The following MAGI1 variants were observed in gnomAD, a reference collection of about 807,000 sequenced individuals.
MAGI1 encodes the protein membrane associated guanylate kinase, WW and PDZ domain containing 1, also known as membrane-associated guanylate kinase, WW and PDZ domain-containing protein 1.
In MAGI1, 58 loss-of-function variants were observed where a neutral mutation model predicts 139.9. That is an observed-to-expected ratio of 0.41 (90% CI 0.34 to 0.52). The LOEUF (loss-of-function observed/expected upper bound fraction) is 0.52. MAGI1 is among the 20% of genes least tolerant of loss of function. The pLI, the probability that MAGI1 is intolerant of heterozygous loss-of-function variation, is 0.12. For synonymous variants in MAGI1, 812 were observed against 737.9 expected (o/e 1.10, Z -1.63); for missense variants, 1,874 against 1,901.6 (o/e 0.99, Z 0.27).
intron 1 of MAGI1, among the ~76,000 whole-genome samples, chr3:65,816,564 C>G (rs184383517): frequency 6.6e-6 from 1 of 150,456 alleles, no homozygotes; most frequent in Admixed American, 6.6e-5. Flanking sequence ...CTGTCCATAT[C>G]AATTATTTGA....
intron 1 of MAGI1, among the ~76,000 whole-genome samples, chr3:65,898,261 T>G (rs769456589): frequency 1.1e-4 from 16 of 152,224 alleles, no homozygotes; most frequent in Non-Finnish European, 2.2e-4. Context: ...ACATCGAATT[T>G]TTATTCATCC....
chr3:65,392,612 CT>C (rs1160740851), intron 13 of MAGI1, among the ~76,000 whole-genome samples: 1 of 152,142 alleles, frequency 6.6e-6, no homozygotes, highest in East Asian at 1.9e-4. Flanking sequence ...GCCATTCTTC[CT>C]TGCTGTCTCC....
intron 1 of MAGI1, among the ~76,000 whole-genome samples, chr3:66,033,331 T>C (rs533646936): frequency 6.6e-6 from 1 of 152,178 alleles, no homozygotes; most frequent in Non-Finnish European, 1.5e-5. Context: ...CTATCTTATA[T>C]GCAGTCAGTG....
intron 1 of MAGI1, among the ~76,000 whole-genome samples, chr3:66,032,111 G>A (rs2068634202): frequency 6.6e-6 from 1 of 152,194 alleles, no homozygotes; most frequent in African/African-American, 2.4e-5. Context: ...CAAATCGAGA[G>A]AAAGGGAGGA....
chr3:65,883,078 T>C (rs1040621278), intron 1 of MAGI1, among the ~76,000 whole-genome samples: 21 of 152,152 alleles, frequency 1.4e-4, no homozygotes, highest in Non-Finnish European at 2.9e-4. Context: ...CACCCATTTA[T>C]CTCCCCAGTT....
intron 1 of MAGI1, among the ~76,000 whole-genome samples, chr3:65,699,827 T>G (rs1047215636): frequency 6.6e-6 from 1 of 150,392 alleles, no homozygotes; most frequent in Non-Finnish European, 1.5e-5. Context: ...TGTATACATA[T>G]GTAACTAACC....
chr3:65,585,956 C>T (rs1227952331), intron 2 of MAGI1, among the ~76,000 whole-genome samples: 1 of 152,054 alleles, frequency 6.6e-6, no homozygotes, highest in Non-Finnish European at 1.5e-5. Flanking sequence ...ACCTGTAATC[C>T]CAGTACTTTG....
chr3:65,646,694 G>A (rs1296743160), intron 1 of MAGI1, among the ~76,000 whole-genome samples: 1 of 152,010 alleles, frequency 6.6e-6, no homozygotes, highest in Non-Finnish European at 1.5e-5. Flanking sequence ...AAAGTATACA[G>A]AATGTGTTCT....
At position 65,397,334 on chromosome 3, in the gene MAGI1, T is replaced by C. The variant is rs144002761; in HGVS notation, c.2199+4105A>G. Among the ~76,000 whole-genome samples, 721 of 152,252 alleles carry C rather than the reference T, an allele frequency of 4.7e-3. 5 individuals carry two copies. The highest frequency in any genetic ancestry group is 0.016 in the African/African-American group (685 of 41,538). Reference sequence around the variant, plus strand: ...TCTCTTAATGACTAGTTTTCAGCAATTTCCTTTAGCATCTCTTGCAGGGGA... The same window carrying C: ...TCTCTTAATGACTAGTTTTCAGCAACTTCCTTTAGCATCTCTTGCAGGGGA... On this transcript the variant is annotated intron_variant, in intron 13 of 22. Coordinates refer to ENST00000402939, the MANE Select transcript of MAGI1 (RefSeq NM_001033057.2).
At chr3:65,916,901 A>C (rs1275066666) in intron 1 of MAGI1, among the ~76,000 whole-genome samples, 2 of 152,200 alleles carry the variant, frequency 1.3e-5, no homozygotes, top group African/African-American at 4.8e-5. Flanking sequence ...TACTGTTCTC[A>C]TTGTATACTT....
At chr3:66,006,336 C>T (rs2067010041) in intron 1 of MAGI1, among the ~76,000 whole-genome samples, 1 of 152,168 alleles carries the variant, frequency 6.6e-6, no homozygotes, top group Admixed American at 6.5e-5. Flanking sequence ...CTTCTAAAGA[C>T]AGAAAGTTGC....
intron 1 of MAGI1, among the ~76,000 whole-genome samples, chr3:65,804,608 T>A (rs2040728401): frequency 1.3e-5 from 2 of 151,566 alleles, no homozygotes; most frequent in South Asian, 4.2e-4. Flanking sequence ...TCTGTACACA[T>A]CATGAACTAT....
chr3:65,842,841 T>G (rs2058853871), intron 1 of MAGI1, among the ~76,000 whole-genome samples: 1 of 152,230 alleles, frequency 6.6e-6, no homozygotes, highest in Admixed American at 6.5e-5. Flanking sequence ...CAGTCTGACA[T>G]GTATGTTAAT....
At chr3:65,363,097 T>G (rs1185572136) in intron 21 of MAGI1, among the ~76,000 whole-genome samples, 1 of 152,212 alleles carries the variant, frequency 6.6e-6, no homozygotes, top group Non-Finnish European at 1.5e-5. Flanking sequence ...ATGGCTTTCC[T>G]GCTTTCTAAG....
At chr3:65,907,137 T>C (rs1022567333) in intron 1 of MAGI1, among the ~76,000 whole-genome samples, 10 of 152,146 alleles carry the variant, frequency 6.6e-5, no homozygotes, top group Admixed American at 5.9e-4. Context: ...ACATGAATTC[T>C]ACTCTACTGC....
At chr3:65,663,131 G>GA (rs1044829190) in intron 1 of MAGI1, among the ~76,000 whole-genome samples, 1 of 152,298 alleles carries the variant, frequency 6.6e-6, no homozygotes, top group African/African-American at 2.4e-5. Context: ...AAGTGAGATT[G>GA]AAAATAATAT....
At chr3:65,876,347 A>C in intron 1 of MAGI1, among the ~76,000 whole-genome samples, 1 of 147,992 alleles carries the variant, frequency 6.8e-6, no homozygotes, top group African/African-American at 2.5e-5. Context: ...CCCACTCACC[A>C]CCCCCCCCAA....
At chr3:65,700,464 A>T (rs2089518601) in intron 1 of MAGI1, among the ~76,000 whole-genome samples, 1 of 151,992 alleles carries the variant, frequency 6.6e-6, no homozygotes, top group African/African-American at 2.4e-5. Flanking sequence ...TAAATAAATA[A>T]ATAAATAATA....
intron 1 of MAGI1, among the ~76,000 whole-genome samples, chr3:65,691,459 T>C (rs1247971989): frequency 6.6e-6 from 1 of 152,176 alleles, no homozygotes; most frequent in Non-Finnish European, 1.5e-5. Context: ...TGACACATTA[T>C]GGGCTCTGTA....
Sources: gnomAD v4.1 joint callset for allele counts (sites outside exome capture counted in the v4.1 genomes callset) on GRCh38, gnomAD v4.1.1 for gene constraint, MANE v1.5 for transcripts, NCBI Gene and HGNC (gene_info 2026-07-23, HGNC 2026-07-21) for gene names.